CDH13: variants seen among roughly 807,000 people sequenced by gnomAD.
CDH13 encodes cadherin 13, also known as cadherin-13.
In CDH13, 24 loss-of-function variants were observed where a neutral mutation model predicts 63.8. That is an observed-to-expected ratio of 0.38 (90% CI 0.27 to 0.53). The LOEUF is 0.53. Among genes scored for constraint, CDH13 ranks in the 20% least tolerant of loss-of-function variants. The pLI is 0.85. For synonymous variants in CDH13, 503 were observed against 355.3 expected, an observed-to-expected ratio of 1.42 and a Z score of -4.67; for missense variants, 1,049 against 903.1, an observed-to-expected ratio of 1.16 and a Z score of -2.07.
At chr16:82,893,570 G>C (rs1412639539) in intron 2 of CDH13, among the ~76,000 whole-genome samples, 1 of 152,180 alleles carries the variant, frequency 6.6e-6, no homozygotes, top group Non-Finnish European at 1.5e-5. Context: ...CTTTCTGTTT[G>C]GCATGCAGGA....
intron 10 of CDH13, among the ~76,000 whole-genome samples, chr16:83,697,689 C>A (rs1210061179): frequency 6.6e-6 from 1 of 152,170 alleles, no homozygotes; most frequent in African/African-American, 2.4e-5. Flanking sequence ...ACTCTGTCAC[C>A]CAGGCTGGAG....
intron 6 of CDH13, among the ~76,000 whole-genome samples, chr16:83,400,772 A>C (rs2091956266): frequency 6.6e-6 from 1 of 152,082 alleles, no homozygotes; most frequent in South Asian, 2.1e-4. Context: ...CACTCTTTCC[A>C]TTTGGCCCAG....
chr16:83,595,585 G>A (rs182789395), intron 7 of CDH13, among the ~76,000 whole-genome samples: 1 of 152,144 alleles, frequency 6.6e-6, no homozygotes, highest in African/African-American at 2.4e-5. Flanking sequence ...CACCAAAGGG[G>A]CTTTGAGCTA....
chr16:83,308,101 G>A (rs1296825955), intron 5 of CDH13, among the ~76,000 whole-genome samples: 2 of 151,970 alleles, frequency 1.3e-5, no homozygotes, highest in Non-Finnish European at 2.9e-5. Flanking sequence ...TATGTTGTGC[G>A]GGAATCAGAG....
chr16:83,148,751 T>C (rs1037971655), intron 4 of CDH13, among the ~76,000 whole-genome samples: 2 of 152,188 alleles, frequency 1.3e-5, no homozygotes, highest in African/African-American at 4.8e-5. Context: ...AATGGCACTT[T>C]TGAAGATGCA....
chr16:83,358,011 A>G (rs988874672), intron 6 of CDH13, among the ~76,000 whole-genome samples: 5 of 152,136 alleles, frequency 3.3e-5, no homozygotes, highest in African/African-American at 1.2e-4. Context: ...GATCATCTCT[A>G]TGTCCCAGTG....
intron 3 of CDH13, among the ~76,000 whole-genome samples, chr16:83,042,673 T>G (rs1053347572): frequency 1.3e-5 from 2 of 152,186 alleles, no homozygotes; most frequent in Non-Finnish European, 2.9e-5. Context: ...CGAAAAAGGC[T>G]GGGGACTGCT....
chr16:83,722,862 T>C (rs111827010), intron 10 of CDH13, among the ~76,000 whole-genome samples: 1,743 of 152,328 alleles, frequency 0.011, 73 homozygotes, highest in Admixed American at 0.077. Flanking sequence ...TCCCAGTCTT[T>C]ATCAGCAGCC....
At chr16:83,446,083 A>ACAGGAGGT (rs1231727202) in intron 6 of CDH13, among the ~76,000 whole-genome samples, 2 of 152,098 alleles carry the variant, frequency 1.3e-5, no homozygotes, top group African/African-American at 4.8e-5. Flanking sequence ...GGGGCAGATT[A>ACAGGAGGT]CAGGAGGTCA....
At chr16:83,067,804 C>T (rs1023755925) in intron 3 of CDH13, among the ~76,000 whole-genome samples, 1 of 152,146 alleles carries the variant, frequency 6.6e-6, no homozygotes, top group African/African-American at 2.4e-5. Flanking sequence ...TTCCGTCAGC[C>T]TGCTGTTCCT....
Position 82,938,356 on chromosome 16 carries a change from A to G in CDH13, c.157+79883A>G, listed in dbSNP as rs554939340. 4.6e-5 allele frequency among the ~76,000 whole-genome samples: 7 copies of G among 152,358 alleles called. No individual in the cohort carries two copies. The South Asian group carries it at 1.2e-3, about 27-fold the overall frequency. On this transcript the variant is annotated intron_variant, in intron 2 of 13. Transcript: ENST00000567109. ...ACTTGATTCGGGAATAGAACTCAGT[A>G]AACTGAGCAGATTAAATGATCAATG...
At position 83,379,938 on chromosome 16, in the gene CDH13, T is replaced by TATATATATATAGAGAGAGAGAG; in HGVS notation, c.781+34933_781+34934insTATATATATAGAGAGAGAGAGA. 2.9e-3 allele frequency among the ~76,000 whole-genome samples: 354 copies of TATATATATATAGAGAGAGAGAG among 123,404 alleles called. 2 individuals carry two copies. Among genetic ancestry groups the TATATATATATAGAGAGAGAGAG allele is most frequent in the Non-Finnish European group, 4.6e-3 (281 of 61,100 alleles). The allele number at this position is 123,404 out of a possible 152,430, so 81.0% of individuals were successfully genotyped here. ...GTGTGTGTATATATATATATATATA[T>TATATATATATAGAGAGAGAGAG]AGAGAGAGAGAGAGAGAGAGAGAGA... is the stretch of plus-strand genomic sequence containing the variant. On this transcript the variant is annotated intron_variant, in intron 6 of 13. Coordinates refer to ENST00000567109, the MANE Select transcript of CDH13 (RefSeq NM_001257.5).
intron 6 of CDH13, among the ~76,000 whole-genome samples, chr16:83,453,555 A>G (rs542708924): frequency 8.5e-5 from 13 of 152,256 alleles, no homozygotes; most frequent in South Asian, 2.1e-4. Context: ...AATTATCACA[A>G]TGTTGATGGG....
chr16:83,654,053 A>G (rs1454392936), intron 8 of CDH13, among the ~76,000 whole-genome samples: 3 of 152,094 alleles, frequency 2.0e-5, no homozygotes, highest in Admixed American at 6.5e-5. Context: ...TGCACAAATC[A>G]GAGACTTAAT....
intron 1 of CDH13, among the ~76,000 whole-genome samples, chr16:82,672,108 G>A (rs186847371): frequency 3.3e-5 from 5 of 152,192 alleles, no homozygotes; most frequent in African/African-American, 4.8e-5. Context: ...AAGCTGGGCC[G>A]ATTGGATTTC....
chr16:83,475,846 A>G (rs1370739242), intron 6 of CDH13, among the ~76,000 whole-genome samples: 2 of 152,144 alleles, frequency 1.3e-5, no homozygotes, highest in Non-Finnish European at 2.9e-5. Context: ...CGGCCTCCCA[A>G]AGTGATGGGA....
intron 1 of CDH13, among the ~76,000 whole-genome samples, chr16:82,691,862 C>T (rs1230558776): frequency 6.6e-6 from 1 of 152,062 alleles, no homozygotes; most frequent in East Asian, 1.9e-4. Context: ...TGAGAACTTG[C>T]TGGAAATGCA....
At chr16:83,215,987 A>AC (rs1427317517) in intron 4 of CDH13, among the ~76,000 whole-genome samples, 2 of 148,668 alleles carry the variant, frequency 1.3e-5, no homozygotes, top group African/African-American at 5.0e-5. Flanking sequence ...TAAAAAGACC[A>AC]CCCCCCATAC....
chr16:83,646,093 G>T (rs1911765952), intron 8 of CDH13, among the ~76,000 whole-genome samples: 1 of 152,120 alleles, frequency 6.6e-6, no homozygotes, highest in South Asian at 2.1e-4. Flanking sequence ...CTCTCCCACT[G>T]GGCCCTAGTG....
Sources: allele counts gnomAD v4.1 joint callset (sites outside exome capture counted in the v4.1 genomes callset), GRCh38; gene constraint gnomAD v4.1.1; transcripts MANE v1.5; gene names NCBI Gene and HGNC (gene_info 2026-07-23, HGNC 2026-07-21).